EPS15L1: variants seen among roughly 807,000 people sequenced by gnomAD.
The protein encoded by EPS15L1 is epidermal growth factor receptor pathway substrate 15 like 1, also known as epidermal growth factor receptor substrate 15-like 1.
In EPS15L1, 43 loss-of-function variants were observed where a neutral mutation model predicts 117.1. The ratio of observed to expected loss-of-function variants is 0.37; its 90% CI spans 0.29 to 0.47. EPS15L1 has a LOEUF of 0.47. EPS15L1 is among the 20% of genes least tolerant of loss of function. The pLI is 0.99. For missense variants in EPS15L1, 981 were observed against 1,164.0 expected, an observed-to-expected ratio of 0.84 and a Z score of 2.29; for synonymous variants, 459 against 470.5, an observed-to-expected ratio of 0.98 and a Z score of 0.32.
chr19:16,386,295 A>G lies in EPS15L1; in HGVS notation c.2104-64T>C, dbSNP rs1312418431. 4.6e-6 allele frequency: 6 copies of G among 1,308,946 alleles called. No homozygotes were observed. The East Asian group carries it at 1.5e-4, about 32-fold the overall frequency. 81.1% of individuals were successfully genotyped at this position (1,308,946 alleles called of 1,614,324 possible). ...GTTGGTTCCATCACCCATTCATTCA[A>G]CCAGACCTTCCTGACGTCGATGTAC... On this transcript the variant is annotated intron_variant, in intron 19 of 23. Transcript: ENST00000455140.
chr19:16,392,535 A>G, intron 18 of EPS15L1, 95 bp from the exon 19 acceptor site: 4 of 1,261,666 alleles, frequency 3.2e-6, no homozygotes, highest in Non-Finnish European at 4.5e-6. Context: ...TTTACATGAA[A>G]TTCTAGAAAG....
intron 22 of EPS15L1, among the ~76,000 whole-genome samples, chr19:16,375,192 G>A (rs888442720): frequency 6.6e-6 from 1 of 152,226 alleles, no homozygotes; most frequent in Non-Finnish European, 1.5e-5. Context: ...GTGTGTGCCT[G>A]CATATGCGTA....
At chr19:16,407,709 T>C (rs1273320748) in intron 13 of EPS15L1, among the ~76,000 whole-genome samples, 2 of 152,206 alleles carry the variant, frequency 1.3e-5, no homozygotes, top group African/African-American at 4.8e-5. Flanking sequence ...GTTTAAACCT[T>C]GCTGGGTAAT....
chr19:16,355,581 C>G lies in EPS15L1; in HGVS notation c.*124G>C. 1 of 1,277,494 alleles carries G rather than the reference C, an allele frequency of 7.8e-7. No individual in the cohort carries two copies. The highest frequency in any genetic ancestry group is 1.1e-6 in the Non-Finnish European group (1 of 944,792). The allele number at this position is 1,277,494 out of a possible 1,614,324, so 79.1% of individuals were successfully genotyped here. ...TGCAGCCGAGTCTGCTCACCCTGAA[C>G]AAGCCCCCGAGTCCCGGTCCTTGGA... On this transcript the variant is annotated 3_prime_UTR_variant, in exon 24 of 24. Coordinates refer to ENST00000455140, the MANE Select transcript of EPS15L1 (RefSeq NM_001258374.3).
rs1256534225 is a variant in EPS15L1 at position 16,405,939 on chromosome 19, C to T, written c.1267-1190G>A. On this transcript the variant is annotated intron_variant, in intron 13 of 23. Transcript: ENST00000455140. The surrounding 1 kb of genome is among the most constrained non-coding windows in gnomAD (Gnocchi z 4.0). ...TCCAGCTGCCATGTGGAGCGTGGTGCAAGGGGCCATCAGGACGCAGGAACT... is the reference window on the plus strand; with the variant it reads ...TCCAGCTGCCATGTGGAGCGTGGTGTAAGGGGCCATCAGGACGCAGGAACT... Among the ~76,000 whole-genome samples, 3 of 152,198 alleles carry T rather than the reference C, an allele frequency of 2.0e-5. No individual in the cohort carries two copies. The highest frequency in any genetic ancestry group is 4.4e-5 in the Non-Finnish European group (3 of 68,016).
intron 13 of EPS15L1, among the ~76,000 whole-genome samples, chr19:16,410,823 G>A (rs2092699826): frequency 6.6e-6 from 1 of 152,182 alleles, no homozygotes; most frequent in African/African-American, 2.4e-5. Context: ...TGAGGTGGGA[G>A]GATCACCTGA....
Position 16,405,623 on chromosome 19 carries a change from A to G in EPS15L1, c.1267-874T>C, listed in dbSNP as rs1014765450. Among the ~76,000 whole-genome samples the G allele has an allele frequency of 5.9e-5, 9 of 152,204 alleles. No homozygotes were observed. Among genetic ancestry groups the G allele is most frequent in the African/African-American group, 1.9e-4 (8 of 41,448 alleles). ...GTTCCAGCACAGCCCACACTGTGGG[A>G]CGCTCCTTGGCCATGGAACGGGATG... On this transcript the variant is annotated intron_variant, in intron 13 of 23. Coordinates refer to ENST00000455140, the MANE Select transcript of EPS15L1 (RefSeq NM_001258374.3). The surrounding 1 kb of genome is among the most constrained non-coding windows in gnomAD (Gnocchi z 4.0).
At chr19:16,469,441 C>T (rs920157815) in intron 1 of EPS15L1, among the ~76,000 whole-genome samples, 3 of 151,936 alleles carry the variant, frequency 2.0e-5, no homozygotes, top group Non-Finnish European at 2.9e-5. Context: ...GATCTGGATG[C>T]ATTTCCACGG....
intron 23 of EPS15L1, 179 bp downstream of exon 23, chr19:16,361,600 G>A: frequency 7.7e-7 from 1 of 1,301,122 alleles, no homozygotes; most frequent in Non-Finnish European, 9.8e-7. Flanking sequence ...TTTTTTTATT[G>A]AGAAACTGTT....
chr19:16,378,143 GAGACAGGGAGGCGGGTGGGTGGT>G (rs1379350763), intron 21 of EPS15L1, among the ~76,000 whole-genome samples: 2 of 152,032 alleles, frequency 1.3e-5, no homozygotes, highest in Non-Finnish European at 2.9e-5. Context: ...TGGGCAGGTA[GAGACAGGGAGGCGGGTGGGTGGT>G]AGACAGGGAG....
At chr19:16,439,171 G>A (rs954128832) in intron 4 of EPS15L1, among the ~76,000 whole-genome samples, 1 of 151,816 alleles carries the variant, frequency 6.6e-6, no homozygotes, top group Admixed American at 6.6e-5. Context: ...AGAGGTAAGT[G>A]CTAGGATCGG....
chr19:16,371,749 C>T lies in EPS15L1; in HGVS notation c.2380+5373G>A, dbSNP rs1206071685. Among the ~76,000 whole-genome samples, 3 of 148,840 alleles carry T rather than the reference C, an allele frequency of 2.0e-5. No individual in the cohort carries two copies. Among genetic ancestry groups the T allele is most frequent in the Admixed American group, 6.7e-5 (1 of 14,892 alleles). On this transcript the variant is annotated intron_variant, in intron 22 of 23. Transcript: ENST00000455140. This position sits in a 1 kb window ranked among gnomAD's most constrained non-coding sequence, Gnocchi z 4.7. ...GCCCAATCACTGACACCCACACAGC[C>T]GTTTCCTGCACTTAAAAAAAAAATC...
At chr19:16,410,041 C>T (rs1057343513) in intron 13 of EPS15L1, among the ~76,000 whole-genome samples, 6 of 144,304 alleles carry the variant, frequency 4.2e-5, no homozygotes, top group South Asian at 4.4e-4. Context: ...AGCCGAGGCA[C>T]GAAAATCATT....
chr19:16,433,962 C>CAAAA (rs146602189), intron 7 of EPS15L1, among the ~76,000 whole-genome samples: 1 of 148,868 alleles, frequency 6.7e-6, no homozygotes, highest in Non-Finnish European at 1.5e-5. Flanking sequence ...GACTCCATCT[C>CAAAA]ATAAATAAAT....
chr19:16,371,442 A>C lies in EPS15L1; in HGVS notation c.2380+5680T>G, dbSNP rs541885483. 2.0e-5 allele frequency among the ~76,000 whole-genome samples: 3 copies of C among 152,324 alleles called. No homozygotes were observed. Among genetic ancestry groups the C allele is most frequent in the Non-Finnish European group, 1.5e-5 (1 of 68,026 alleles). On this transcript the variant is annotated intron_variant, in intron 22 of 23. Coordinates refer to ENST00000455140, the MANE Select transcript of EPS15L1 (RefSeq NM_001258374.3). This position sits in a 1 kb window ranked among gnomAD's most constrained non-coding sequence, Gnocchi z 4.7. The stretch of plus-strand genomic sequence containing the variant: ...AACAGGACAGCCGCTGGTTAAACTT[A>C]GGTAAAAGCTGTTCGTTAGTGCAAC...
chr19:16,426,740 A>G (rs1489028006), intron 8 of EPS15L1, among the ~76,000 whole-genome samples: 2 of 152,222 alleles, frequency 1.3e-5, no homozygotes, highest in East Asian at 3.8e-4. Context: ...AAGACAAAAG[A>G]CAACAGGATG....
intron 22 of EPS15L1, 53 bp downstream of exon 22, chr19:16,377,069 C>T (rs539974594): frequency 1.3e-6 from 2 of 1,544,662 alleles, no homozygotes; most frequent in South Asian, 2.5e-5. Context: ...GCCCTGGTCC[C>T]CCGCCATCCG....
intron 13 of EPS15L1, among the ~76,000 whole-genome samples, chr19:16,408,737 G>A (rs1197394348): frequency 6.6e-6 from 1 of 152,052 alleles, no homozygotes; most frequent in Non-Finnish European, 1.5e-5. Flanking sequence ...AAAAGATGGA[G>A]GATGCCCATT....
chr19:16,414,787 G>A (rs929683233), intron 12 of EPS15L1, among the ~76,000 whole-genome samples: 1 of 149,510 alleles, frequency 6.7e-6, no homozygotes, highest in African/African-American at 2.5e-5. Context: ...ATAGCTCACT[G>A]CATCCTTGAC....
Sources: gnomAD v4.1 joint callset for allele counts (sites outside exome capture counted in the v4.1 genomes callset) on GRCh38, gnomAD v4.1.1 for gene constraint, Gnocchi (gnomAD v3.1) non-coding constraint, MANE v1.5 for transcripts, NCBI Gene and HGNC (gene_info 2026-07-23, HGNC 2026-07-21) for gene names.